The following KHDRBS2 variants were observed in gnomAD, a reference collection of about 807,000 sequenced individuals.
The protein encoded by KHDRBS2 is KH domain-containing, RNA-binding, signal transduction-associated protein 2.
In KHDRBS2, 26 loss-of-function variants were observed where a neutral mutation model predicts 44.3. The ratio of observed to expected loss-of-function variants is 0.59; its 90% confidence interval spans 0.43 to 0.81. KHDRBS2 has a LOEUF of 0.81. KHDRBS2 is among the 40% of genes least tolerant of loss of function. The pLI, the probability that KHDRBS2 is intolerant of heterozygous loss-of-function variation, is 0.00. For synonymous variants in KHDRBS2, 194 were observed against 151.1 expected (o/e 1.28, Z -2.08); for missense variants, 476 against 433.1 (o/e 1.10, Z -0.88).
the KHDRBS2 span, chr6:61,574,393 G>A: frequency 1.3e-6 from 2 of 1,524,828 alleles, no homozygotes; most frequent in Non-Finnish European, 1.8e-6. Context: ...CCGTGAAGAG[G>A]CGGACATAAT....
At chr6:62,238,316 G>C (rs933873300) in intron 1 of KHDRBS2, among the ~76,000 whole-genome samples, 1 of 152,088 alleles carries the variant, frequency 6.6e-6, no homozygotes, top group African/African-American at 2.4e-5. Context: ...TGGGATTCGA[G>C]TTTGATGACT....
chr6:62,276,145 A>G (rs1840903828), intron 1 of KHDRBS2, among the ~76,000 whole-genome samples: 1 of 152,336 alleles, frequency 6.6e-6, no homozygotes, highest in East Asian at 1.9e-4. Flanking sequence ...TTTCTGTAAG[A>G]AGAGTAAAAT....
chr6:62,084,515 T>C (rs1241866800), intron 2 of KHDRBS2, among the ~76,000 whole-genome samples: 2 of 152,142 alleles, frequency 1.3e-5, no homozygotes, highest in Non-Finnish European at 2.9e-5. Flanking sequence ...ATTAGCATTT[T>C]CCCAGAGGAA....
At chr6:61,908,689 C>A (rs1425338206) in intron 4 of KHDRBS2, among the ~76,000 whole-genome samples, 1 of 151,152 alleles carries the variant, frequency 6.6e-6, no homozygotes, top group Non-Finnish European at 1.5e-5. Context: ...ATATGTATTC[C>A]ATTTTTCTGG....
At chr6:61,726,009 A>T (rs1185817156) in intron 7 of KHDRBS2, among the ~76,000 whole-genome samples, 1 of 152,210 alleles carries the variant, frequency 6.6e-6, no homozygotes, top group Non-Finnish European at 1.5e-5. Context: ...AGAAAACTTC[A>T]GGCCAATATC....
intron 2 of KHDRBS2, among the ~76,000 whole-genome samples, chr6:62,173,465 A>C (rs1054926537): frequency 5.9e-5 from 9 of 152,134 alleles, no homozygotes; most frequent in African/African-American, 2.2e-4. Context: ...AACCAGAAAA[A>C]GCCCAGGACC....
At chr6:61,890,880 T>G (rs576598404) in intron 6 of KHDRBS2, among the ~76,000 whole-genome samples, 1 of 152,324 alleles carries the variant, frequency 6.6e-6, no homozygotes, top group Non-Finnish European at 1.5e-5. Context: ...TAAATATTGA[T>G]AGTTGATGTA....
intron 1 of KHDRBS2, among the ~76,000 whole-genome samples, chr6:62,264,778 C>T (rs1563157057): frequency 6.6e-6 from 1 of 151,544 alleles, no homozygotes; most frequent in Non-Finnish European, 1.5e-5. Context: ...TATTTATCAT[C>T]CAATTTATTA....
At chr6:62,075,897 C>CTCTG (rs1796235329) in intron 2 of KHDRBS2, among the ~76,000 whole-genome samples, 1 of 149,582 alleles carries the variant, frequency 6.7e-6, no homozygotes, top group Non-Finnish European at 1.5e-5. Context: ...CTCTCCCTAT[C>CTCTG]TCTCTCTCTC....
At chr6:62,179,969 A>G (rs1484299104) in intron 1 of KHDRBS2, among the ~76,000 whole-genome samples, 1 of 151,862 alleles carries the variant, frequency 6.6e-6, no homozygotes, top group Non-Finnish European at 1.5e-5. Context: ...CATAGTAACA[A>G]AATGGTATAT....
chr6:61,863,568 G>C (rs1019590525), intron 6 of KHDRBS2, among the ~76,000 whole-genome samples: 2 of 151,960 alleles, frequency 1.3e-5, no homozygotes, highest in Non-Finnish European at 2.9e-5. Context: ...TTCTAGAGCA[G>C]GTTGTTCATG....
intron 1 of KHDRBS2, among the ~76,000 whole-genome samples, chr6:62,224,038 C>A (rs188625193): frequency 8.5e-5 from 13 of 152,244 alleles, no homozygotes; most frequent in African/African-American, 3.1e-4. Flanking sequence ...TTCGCAGTAC[C>A]AATTTACTGT....
At chr6:61,714,504 A>G (rs1168032089) in intron 7 of KHDRBS2, among the ~76,000 whole-genome samples, 2 of 151,936 alleles carry the variant, frequency 1.3e-5, no homozygotes, top group African/African-American at 2.4e-5. Flanking sequence ...AACTAAAAAT[A>G]GAACTGCCAT....
intron 2 of KHDRBS2, among the ~76,000 whole-genome samples, chr6:62,085,210 A>C (rs950443431): frequency 1.3e-5 from 2 of 152,172 alleles, no homozygotes; most frequent in African/African-American, 4.8e-5. Context: ...GAGACACAAA[A>C]CATGGTGAAG....
chr6:61,813,079 T>C (rs1228985640), intron 6 of KHDRBS2, among the ~76,000 whole-genome samples: 7 of 152,248 alleles, frequency 4.6e-5, no homozygotes, highest in Non-Finnish European at 8.8e-5. Flanking sequence ...GTAAATTATA[T>C]GTATTATTAA....
rs1200735537 is a variant in KHDRBS2 at position 61,901,255 on chromosome 6, T to C, written c.600A>G (p.Thr200=). The C allele has an allele frequency of 1.2e-6, 2 of 1,612,838 alleles. No homozygotes were observed. The highest frequency in any genetic ancestry group is 8.5e-7 in the Non-Finnish European group (1 of 1,179,516). Residue 200 remains threonine, a synonymous_variant, in exon 5 of 9, where the codon ACA becomes ACG. Transcript: ENST00000281156. ...IRGRGIRIAP[T]APSRGRGGAI... ...AAGAATGAATGTACCTTGAAGGAGC[T>C]GTGGGAGCTATTCTGATCCCTCTGC... is the stretch of plus-strand genomic sequence containing the variant.
chr6:62,064,943 C>A (rs1332649082), intron 2 of KHDRBS2, among the ~76,000 whole-genome samples: 1 of 151,426 alleles, frequency 6.6e-6, no homozygotes, highest in Non-Finnish European at 1.5e-5. Flanking sequence ...AAGAAAAAAA[C>A]AAACAACCCC....
chr6:61,950,403 C>G (rs1764506407), intron 4 of KHDRBS2, among the ~76,000 whole-genome samples: 1 of 151,980 alleles, frequency 6.6e-6, no homozygotes, highest in Non-Finnish European at 1.5e-5. Context: ...TTGAAATGCT[C>G]ACTAAAAGTT....
At chr6:62,101,668 A>T (rs566964838) in intron 2 of KHDRBS2, among the ~76,000 whole-genome samples, 85 of 152,332 alleles carry the variant, frequency 5.6e-4, no homozygotes, top group African/African-American at 1.9e-3. Context: ...GGTATCAAAG[A>T]TGTTTTGGTC....
Sources: gnomAD v4.1 joint callset for allele counts (sites outside exome capture counted in the v4.1 genomes callset) on GRCh38, gnomAD v4.1.1 for gene constraint, MANE v1.5 for transcripts, NCBI Gene and HGNC (gene_info 2026-07-23, HGNC 2026-07-21) for gene names.